Variants in ADCY2 observed in about 807,000 individuals in gnomAD.
ADCY2 encodes adenylate cyclase 2, also known as adenylate cyclase type 2.
Under a neutral mutation model 125.2 loss-of-function variants are expected in ADCY2, and 31 were observed. The observed-to-expected ratio is 0.25, with a 90% CI of 0.19 to 0.33. The LOEUF (loss-of-function observed/expected upper bound fraction) is 0.33, where lower values mean the gene tolerates loss of function less well. ADCY2 is among the 10% of genes least tolerant of loss of function. ADCY2 has a pLI of 1.00. For missense variants in ADCY2, 904 were observed against 1,418.2 expected, an observed-to-expected ratio of 0.64 and a Z score of 5.82; for synonymous variants, 512 against 548.4, an observed-to-expected ratio of 0.93 and a Z score of 0.93.
intron 3 of ADCY2, among the ~76,000 whole-genome samples, chr5:7,589,795 C>A (rs542248326): frequency 6.6e-6 from 1 of 152,138 alleles, no homozygotes; most frequent in Non-Finnish European, 1.5e-5. Context: ...CACTCGGGAG[C>A]TCACAGCACT....
chr5:7,748,474 T>A (rs1268671928), intron 15 of ADCY2, among the ~76,000 whole-genome samples: 1 of 151,750 alleles, frequency 6.6e-6, no homozygotes, highest in Non-Finnish European at 1.5e-5. Context: ...CTTAAGTGAG[T>A]TTTTATTTCC....
chr5:7,454,641 T>C (rs1356720145), intron 2 of ADCY2, among the ~76,000 whole-genome samples: 3 of 152,214 alleles, frequency 2.0e-5, no homozygotes, highest in Admixed American at 6.5e-5. Context: ...AAAATTATAA[T>C]GTAAGTACCT....
intron 15 of ADCY2, chr5:7,749,841 A>C (rs1579388620): frequency 6.6e-6 from 1 of 152,352 alleles, no homozygotes; most frequent in Middle Eastern, 3.4e-3. Context: ...GGAAAGGGAA[A>C]GTAGGTCACA....
At chr5:7,795,273 A>G (rs895750167) in intron 20 of ADCY2, 19 of 152,250 alleles carry the variant, frequency 1.2e-4, no homozygotes, top group African/African-American at 4.6e-4. Flanking sequence ...ACTGTTAGCT[A>G]TCTTTTAAGC....
rs1745545089 is a variant in ADCY2 at position 7,828,064 on chromosome 5, G to A, written c.*1193G>A. The stretch of plus-strand genomic sequence containing the variant: ...TGCATTTTTAAAGACAGAAGGCCTT[G>A]AAGAATTTGTTCTTGTAAATCCAAC... On this transcript the variant is annotated 3_prime_UTR_variant, in exon 25 of 25. Transcript: ENST00000338316. The A allele has an allele frequency of 6.5e-6, 1 of 152,810 alleles. No individual in the cohort carries two copies. The highest frequency in any genetic ancestry group is 1.5e-5 in the Non-Finnish European group (1 of 68,036). The allele number at this position is 152,810 out of a possible 1,614,324, so 9.5% of individuals were successfully genotyped here.
chr5:7,527,183 G>C lies in ADCY2; in HGVS notation c.570+6284G>C, dbSNP rs572773656. 2.6e-3 allele frequency among the ~76,000 whole-genome samples: 389 copies of C among 152,316 alleles called. 1 individual carries two copies. Among genetic ancestry groups the C allele is most frequent in the African/African-American group, 9.0e-3 (376 of 41,568 alleles). Reference sequence around the variant, plus strand: ...CTGGTCCCCAGGGGTGGTGGCAGTGGTGTGGCCCTCAGAGGATATCAGAGG... The same window carrying C: ...CTGGTCCCCAGGGGTGGTGGCAGTGCTGTGGCCCTCAGAGGATATCAGAGG... On this transcript the variant is annotated intron_variant, in intron 3 of 24. Coordinates refer to ENST00000338316, the MANE Select transcript of ADCY2 (RefSeq NM_020546.3).
intron 4 of ADCY2, among the ~76,000 whole-genome samples, chr5:7,651,568 C>T (rs1472702521): frequency 6.6e-6 from 1 of 152,118 alleles, no homozygotes; most frequent in Non-Finnish European, 1.5e-5. Context: ...CTCCTGCCTG[C>T]TTTTATTCTG....
At chr5:7,726,633 G>A (rs6555489) in intron 13 of ADCY2, among the ~76,000 whole-genome samples, 141,420 of 152,254 alleles carry the variant, frequency 0.93, 66,594 homozygotes, top group East Asian at 1. Context: ...GAACAAGCCA[G>A]CTAAGAACCA....
At chr5:7,446,514 A>G (rs1741257232) in intron 2 of ADCY2, among the ~76,000 whole-genome samples, 1 of 152,100 alleles carries the variant, frequency 6.6e-6, no homozygotes, top group African/African-American at 2.4e-5. Context: ...TGGGCCACAG[A>G]GCAAGACCTT....
At position 7,565,042 on chromosome 5, in the gene ADCY2, A is replaced by G. The variant is rs148513404; in HGVS notation, c.570+44143A>G. ...TTTATTTATCACTTAACAAATAGAA[A>G]TGCTGAAGCAGGTGGATGTGAACTT... On this transcript the variant is annotated intron_variant, in intron 3 of 24. Coordinates refer to ENST00000338316, the MANE Select transcript of ADCY2 (RefSeq NM_020546.3). Among the ~76,000 whole-genome samples the G allele has an allele frequency of 1.2e-3, 180 of 152,308 alleles. 1 individual carries two copies. Among genetic ancestry groups the G allele is most frequent in the African/African-American group, 4.1e-3 (171 of 41,572 alleles).
chr5:7,794,265 T>C (rs1744349483), intron 20 of ADCY2: 1 of 152,218 alleles, frequency 6.6e-6, no homozygotes, highest in Non-Finnish European at 1.5e-5. Context: ...TACCAATTTC[T>C]GTCTAATAGG....
intron 2 of ADCY2, among the ~76,000 whole-genome samples, chr5:7,493,885 A>G (rs1487668646): frequency 6.6e-6 from 1 of 152,096 alleles, no homozygotes; most frequent in South Asian, 2.1e-4. Context: ...TGAGTCAAAT[A>G]AGTGCAAGTC....
chr5:7,398,801 A>G (rs915338686), intron 1 of ADCY2, among the ~76,000 whole-genome samples: 2 of 152,230 alleles, frequency 1.3e-5, no homozygotes, highest in Admixed American at 6.5e-5. Flanking sequence ...GTGTTCTGAA[A>G]CCGGACCTGA....
In ADCY2 at chr5:7,732,415, C is replaced by A. The variant is rs150153030; in HGVS notation, c.1871+5154C>A. On this transcript the variant is annotated intron_variant, in intron 14 of 24. Coordinates refer to ENST00000338316, the MANE Select transcript of ADCY2 (RefSeq NM_020546.3). ...GTTAGTCAAATGCCTGGGAGCATCA[C>A]CTTCCTTGGGTAGACATCAATCCTA... is the stretch of plus-strand genomic sequence containing the variant. Among the ~76,000 whole-genome samples the A allele has an allele frequency of 2.2e-3, 331 of 152,308 alleles. 3 individuals carry two copies. Among genetic ancestry groups the A allele is most frequent in the African/African-American group, 7.6e-3 (316 of 41,580 alleles).
intron 2 of ADCY2, among the ~76,000 whole-genome samples, chr5:7,485,559 C>G (rs1367318717): frequency 2.6e-5 from 4 of 152,096 alleles, no homozygotes; most frequent in Non-Finnish European, 5.9e-5. Context: ...GCTACAAATT[C>G]ATGAAAAGGA....
chr5:7,819,165 A>G (rs1177169020), intron 23 of ADCY2, among the ~76,000 whole-genome samples: 1 of 152,124 alleles, frequency 6.6e-6, no homozygotes, highest in East Asian at 1.9e-4. Context: ...AGCTGATCAG[A>G]TGGTGCCCAC....
intron 4 of ADCY2, among the ~76,000 whole-genome samples, chr5:7,673,269 A>AAAATATAT (rs1554030659): frequency 2.5e-4 from 1 of 3,932 alleles, no homozygotes; most frequent in African/African-American, 6.4e-4. Flanking sequence ...AAAAAAAAAA[A>AAAATATAT]ATATATATAT....
intron 3 of ADCY2, among the ~76,000 whole-genome samples, chr5:7,583,249 T>C (rs1363280859): frequency 6.6e-6 from 1 of 152,036 alleles, no homozygotes; most frequent in Non-Finnish European, 1.5e-5. Context: ...TCAAACATAT[T>C]AGGATGAAAA....
chr5:7,598,634 A>G (rs1427248945), intron 3 of ADCY2, among the ~76,000 whole-genome samples: 2 of 152,188 alleles, frequency 1.3e-5, no homozygotes, highest in Admixed American at 1.3e-4. Context: ...TTCGAGGCAG[A>G]GGGCTGCTAG....
Sources: gnomAD v4.1 joint callset for allele counts (sites outside exome capture counted in the v4.1 genomes callset) on GRCh38, gnomAD v4.1.1 for gene constraint, MANE v1.5 for transcripts, NCBI Gene and HGNC (gene_info 2026-07-23, HGNC 2026-07-21) for gene names.